Variants in CSMD1 observed in about 807,000 individuals in gnomAD.
The protein encoded by CSMD1 is CUB and sushi domain-containing protein 1.
CSMD1 carries 213 observed loss-of-function variants against 417.5 expected under a neutral mutation model. The ratio of observed to expected loss-of-function variants is 0.51; its 90% CI spans 0.46 to 0.57. CSMD1 has a LOEUF of 0.57. Ranked by LOEUF, CSMD1 falls within the 20% of genes least tolerant of loss-of-function variation. CSMD1 has a pLI of 0.00. For missense variants in CSMD1, 6,923 were observed against 4,529.7 expected, an observed-to-expected ratio of 1.53 and a Z score of -15.17; for synonymous variants, 2,862 against 1,736.8, an observed-to-expected ratio of 1.65 and a Z score of -16.11.
intron 1 of CSMD1, among the ~76,000 whole-genome samples, chr8:4,881,418 T>G (rs1803388320): frequency 2.4e-5 from 1 of 41,220 alleles, no homozygotes; most frequent in South Asian, 2.0e-3. Context: ...TACATATCTA[T>G]CTATCTATCT....
chr8:2,963,389 A>T lies in CSMD1; in HGVS notation c.9287T>A (p.Leu3096Gln), dbSNP rs568398318. The change falls in exon 60 of 70, where the codon CTG (leucine) becomes CAG (glutamine). Residue 3096 changes from leucine to glutamine, a missense_variant. Transcript: ENST00000635120. ...CTGCACCGGCGGCGGCTGAGGACAC[A>T]GCACGGCTATTTCCAAAGAACAAAC... ...NPSKPVCKAV[L>Q]CPQPPPVQNG... 119 of 1,613,674 alleles carry T rather than the reference A, an allele frequency of 7.4e-5. 1 individual carries two copies. The East Asian group carries it at 2.3e-3, about 31-fold the overall frequency.
chr8:3,359,118 T>C (rs377583357), intron 21 of CSMD1, 34 bp downstream of exon 21: 46 of 1,605,230 alleles, frequency 2.9e-5, no homozygotes, highest in African/African-American at 9.4e-5. Flanking sequence ...CCTGCCCCCA[T>C]GGATGAATGA....
intron 3 of CSMD1, among the ~76,000 whole-genome samples, chr8:4,217,928 G>C (rs1030941444): frequency 6.6e-6 from 1 of 152,166 alleles, no homozygotes; most frequent in Admixed American, 6.5e-5. Flanking sequence ...CAAGATTCAG[G>C]AGCAAAGAAA....
At chr8:4,104,579 G>C (rs1229727144) in intron 3 of CSMD1, among the ~76,000 whole-genome samples, 1 of 149,192 alleles carries the variant, frequency 6.7e-6, no homozygotes, top group East Asian at 2.1e-4. Context: ...GTAAATAAAT[G>C]AATTAATAAT....
intron 2 of CSMD1, among the ~76,000 whole-genome samples, chr8:4,575,586 T>A (rs1447468476): frequency 1.3e-5 from 2 of 152,212 alleles, no homozygotes; most frequent in Non-Finnish European, 2.9e-5. Flanking sequence ...GTGTCCACTG[T>A]GAATTCATTA....
chr8:4,005,927 C>T (rs764056321), intron 4 of CSMD1, among the ~76,000 whole-genome samples: 1 of 152,116 alleles, frequency 6.6e-6, no homozygotes, highest in Non-Finnish European at 1.5e-5. Flanking sequence ...TTTGCAGAAC[C>T]ATGCATTTAT....
At chr8:3,405,211 G>C (rs753408004) in intron 15 of CSMD1, among the ~76,000 whole-genome samples, 1 of 152,088 alleles carries the variant, frequency 6.6e-6, no homozygotes, top group Non-Finnish European at 1.5e-5. Context: ...GTACTTCTTT[G>C]ATATACACTA....
At chr8:4,342,051 A>G (rs1015274323) in intron 3 of CSMD1, among the ~76,000 whole-genome samples, 1 of 152,084 alleles carries the variant, frequency 6.6e-6, no homozygotes, top group Non-Finnish European at 1.5e-5. Context: ...ATGAATTTGG[A>G]GCATCCTGAA....
intron 7 of CSMD1, among the ~76,000 whole-genome samples, chr8:3,691,390 A>C (rs1316403648): frequency 1.3e-5 from 2 of 152,036 alleles, no homozygotes; most frequent in Non-Finnish European, 2.9e-5. Context: ...AAACAAAAAA[A>C]CAAAAAACAA....
chr8:3,770,376 A>G (rs1798503025), intron 5 of CSMD1, among the ~76,000 whole-genome samples: 1 of 152,106 alleles, frequency 6.6e-6, no homozygotes, highest in African/African-American at 2.4e-5. Context: ...TAAAAATACA[A>G]AAATTAGCCA....
At chr8:4,283,996 G>A (rs570294418) in intron 3 of CSMD1, among the ~76,000 whole-genome samples, 1 of 152,306 alleles carries the variant, frequency 6.6e-6, no homozygotes, top group South Asian at 2.1e-4. Flanking sequence ...ACTTTGGGAG[G>A]CCGAGGAAGG....
At chr8:2,997,315 G>C (rs1228081308) in intron 54 of CSMD1, among the ~76,000 whole-genome samples, 1 of 152,156 alleles carries the variant, frequency 6.6e-6, no homozygotes, top group Non-Finnish European at 1.5e-5. Context: ...TAAATGACTT[G>C]GGTTCCCACT....
rs113500775 is a variant in CSMD1 at position 3,782,025 on chromosome 8, G to A, written c.819-27983C>T. Among the ~76,000 whole-genome samples, 580 of 132,928 alleles carry A rather than the reference G, an allele frequency of 4.4e-3. 4 individuals carry two copies. The highest frequency in any genetic ancestry group is 0.013 in the African/African-American group (541 of 40,712). The allele number at this position is 132,928 out of a possible 152,430, so 87.2% of individuals were successfully genotyped here. A position where few individuals can be genotyped will look rare whatever the true frequency, so the allele number is the denominator to read the frequency against. ...TTTGATTTTTTAAGGGATAATTTAA[G>A]AGTATCTCTCTATTATTATTCTGTC... is the stretch of plus-strand genomic sequence containing the variant. On this transcript the variant is annotated intron_variant, in intron 5 of 69. Coordinates refer to ENST00000635120, the MANE Select transcript of CSMD1 (RefSeq NM_033225.6).
intron 7 of CSMD1, among the ~76,000 whole-genome samples, chr8:3,652,335 C>G (rs566688228): frequency 6.6e-6 from 1 of 152,236 alleles, no homozygotes. Flanking sequence ...TCACCACCAT[C>G]AGCGTGCTTA....
chr8:4,480,148 A>C (rs1289667025), intron 2 of CSMD1, among the ~76,000 whole-genome samples: 1 of 150,596 alleles, frequency 6.6e-6, no homozygotes, highest in Non-Finnish European at 1.5e-5. Context: ...TCTGTTTTCT[A>C]CTATTTTCCT....
chr8:4,839,977 A>G (rs1006603799), intron 1 of CSMD1, among the ~76,000 whole-genome samples: 11 of 152,290 alleles, frequency 7.2e-5, no homozygotes, highest in African/African-American at 2.6e-4. Flanking sequence ...GCAAGTGTAA[A>G]ATAGGAATGT....
chr8:3,266,739 C>T (rs1011881671), intron 26 of CSMD1, among the ~76,000 whole-genome samples: 2 of 150,210 alleles, frequency 1.3e-5, no homozygotes, highest in East Asian at 2.0e-4. Context: ...TATACCACTG[C>T]ACTCCAGCCT....
At chr8:4,195,805 G>C (rs941318026) in intron 3 of CSMD1, among the ~76,000 whole-genome samples, 46 of 152,274 alleles carry the variant, frequency 3.0e-4, no homozygotes, top group African/African-American at 9.1e-4. Context: ...TGGATGCACA[G>C]TCCTGCCCTC....
At chr8:3,384,910 T>A (rs1406669719) in intron 18 of CSMD1, among the ~76,000 whole-genome samples, 99 of 122,226 alleles carry the variant, frequency 8.1e-4, no homozygotes, top group African/African-American at 3.1e-3. Context: ...TATATATGCT[T>A]ATATATTACA....
Sources: allele counts gnomAD v4.1 joint callset (sites outside exome capture counted in the v4.1 genomes callset), GRCh38; gene constraint gnomAD v4.1.1; transcripts MANE v1.5; gene names NCBI Gene and HGNC (gene_info 2026-07-23, HGNC 2026-07-21).